The following SNX29 variants were observed in gnomAD, a reference collection of about 807,000 sequenced individuals.
The protein encoded by SNX29 is sorting nexin 29, also known as sorting nexin-29.
Under a neutral mutation model 102.1 loss-of-function variants are expected in SNX29, and 78 were observed. The ratio of observed to expected loss-of-function variants is 0.76; its 90% CI spans 0.64 to 0.92. SNX29 has a LOEUF of 0.92. Among genes scored for constraint, SNX29 ranks in the 40% least tolerant of loss-of-function variants. The pLI is 0.00. For missense variants in SNX29, 1,280 were observed against 1,061.7 expected (o/e 1.21, Z -2.86); for synonymous variants, 580 against 414.5 (o/e 1.40, Z -4.85).
intron 8 of SNX29, among the ~76,000 whole-genome samples, chr16:12,058,283 A>AT (rs2050604099): frequency 6.6e-6 from 1 of 151,996 alleles, no homozygotes; most frequent in Non-Finnish European, 1.5e-5. Flanking sequence ...TGGGTGGTTT[A>AT]TTTTTTCTCT....
chr16:12,354,339 C>T lies in SNX29; in HGVS notation c.1783-1824C>T, dbSNP rs567920300. 2.0e-3 allele frequency among the ~76,000 whole-genome samples: 301 copies of T among 152,270 alleles called. 1 individual carries two copies. The highest frequency in any genetic ancestry group is 7.0e-3 in the African/African-American group (292 of 41,560). On this transcript the variant is annotated intron_variant, in intron 15 of 20. Transcript: ENST00000566228. ...GTCTCTTAAGTTGCATGGGATTTTTCCTTTTCATTCCCTAGTGAAATGAAA... is the reference window on the plus strand; with the variant it reads ...GTCTCTTAAGTTGCATGGGATTTTTTCTTTTCATTCCCTAGTGAAATGAAA...
At chr16:12,083,586 G>A (rs1044013168) in intron 11 of SNX29, among the ~76,000 whole-genome samples, 2 of 152,128 alleles carry the variant, frequency 1.3e-5, no homozygotes, top group Non-Finnish European at 2.9e-5. Flanking sequence ...TATAAACTCC[G>A]ATTGGGAGTT....
At chr16:12,000,549 A>T (rs2056251343) in intron 2 of SNX29, 1 of 152,040 alleles carries the variant, frequency 6.6e-6, no homozygotes, top group South Asian at 2.1e-4. Context: ...TTCTAGAGAC[A>T]AGGTCTTGCT....
chr16:12,194,846 C>T (rs557169166), intron 13 of SNX29, among the ~76,000 whole-genome samples: 5 of 151,882 alleles, frequency 3.3e-5, no homozygotes, highest in South Asian at 2.1e-4. Flanking sequence ...AAGCTGGTCT[C>T]GAACTCCCGA....
chr16:12,030,745 C>G (rs2057317704), intron 4 of SNX29, among the ~76,000 whole-genome samples: 1 of 152,190 alleles, frequency 6.6e-6, no homozygotes, highest in African/African-American at 2.4e-5. Flanking sequence ...AGAATCGGGA[C>G]AAAGTATCCA....
intron 13 of SNX29, chr16:12,135,519 C>A (rs1255919324): frequency 2.3e-6 from 3 of 1,318,672 alleles, no homozygotes; most frequent in Non-Finnish European, 2.0e-6. Context: ...GAGGATGGTG[C>A]CAGCCAGTTC....
chr16:12,400,986 C>G (rs932837923), intron 17 of SNX29, among the ~76,000 whole-genome samples: 5 of 152,112 alleles, frequency 3.3e-5, no homozygotes, highest in Admixed American at 6.5e-5. Flanking sequence ...CCACACCCGG[C>G]TATGATTTTT....
rs778994657 is a variant in SNX29, at chr16:12,003,011, G to A, written c.90G>A (p.Gly30=). 1.2e-6 allele frequency: 2 copies of A among 1,614,098 alleles called. No individual in the cohort carries two copies. The highest frequency in any genetic ancestry group is 1.3e-5 in the African/African-American group (1 of 74,950). The change falls in exon 3 of 21, where the codon GGG becomes GGA. Residue 30 remains glycine (G), a synonymous_variant. Coordinates refer to ENST00000566228, the MANE Select transcript of SNX29 (RefSeq NM_032167.5). ...AVKQCQIRFG[G]RKEIASDSDS... The stretch of plus-strand genomic sequence containing the variant: ...TGCAGTGCCAGATCCGCTTTGGAGG[G>A]AGAAAGGAGATTGCCTCGGATTCCG...
chr16:12,065,319 T>A (rs75721041), intron 9 of SNX29, among the ~76,000 whole-genome samples: 32 of 152,284 alleles, frequency 2.1e-4, no homozygotes, highest in African/African-American at 7.7e-4. Context: ...GCTTTCCAGT[T>A]GCAAGGAAGG....
chr16:12,317,801 T>G (rs2080798769), intron 15 of SNX29, among the ~76,000 whole-genome samples: 1 of 152,214 alleles, frequency 6.6e-6, no homozygotes, highest in South Asian at 2.1e-4. Flanking sequence ...TCTCCAAGCC[T>G]CAGTCTCTTC....
intron 14 of SNX29, among the ~76,000 whole-genome samples, chr16:12,223,429 A>C (rs1193665312): frequency 2.0e-5 from 3 of 152,198 alleles, no homozygotes; most frequent in Non-Finnish European, 4.4e-5. Context: ...TGGGAGGCTG[A>C]GGAGGGTGGA....
intron 19 of SNX29, among the ~76,000 whole-genome samples, chr16:12,520,776 T>G (rs200690103): frequency 6.7e-6 from 1 of 150,074 alleles, no homozygotes; most frequent in South Asian, 2.1e-4. Flanking sequence ...AGAGTGATAA[T>G]AATGGACTTT....
chr16:12,414,884 G>T (rs1007238276), intron 18 of SNX29, among the ~76,000 whole-genome samples: 1 of 152,086 alleles, frequency 6.6e-6, no homozygotes, highest in African/African-American at 2.4e-5. Context: ...AGCATGCCCG[G>T]CTAATTTTTT....
At chr16:12,171,031 G>A (rs1283702650) in intron 13 of SNX29, among the ~76,000 whole-genome samples, 1 of 152,040 alleles carries the variant, frequency 6.6e-6, no homozygotes, top group Non-Finnish European at 1.5e-5. Flanking sequence ...TCACATAGCA[G>A]CTTGGAGGAG....
chr16:12,045,430 G>A (rs1567559688), intron 5 of SNX29, among the ~76,000 whole-genome samples: 2 of 152,048 alleles, frequency 1.3e-5, no homozygotes, highest in South Asian at 4.2e-4. Flanking sequence ...AGTTGGACTC[G>A]GGAGACCTGC....
In SNX29 at chr16:12,208,911, C is replaced by T. The variant is rs1418235686; in HGVS notation, c.1678+9228C>T. On this transcript the variant is annotated intron_variant, in intron 14 of 20. Transcript: ENST00000566228. ...TTCTCCATTTATGGAGATCCTTGCA[C>T]TACTAGGTTGCACCTTGGAAATGTA... Among the ~76,000 whole-genome samples, 5 of 151,474 alleles carry T rather than the reference C, an allele frequency of 3.3e-5. 1 individual carries two copies. Among genetic ancestry groups the T allele is most frequent in the African/African-American group, 1.2e-4 (5 of 41,204 alleles).
In SNX29 at chr16:12,557,286, C is replaced by A. The variant is rs150234144; in HGVS notation, c.2319-11220C>A. 3.9e-5 allele frequency: 6 copies of A among 152,310 alleles called. No homozygotes were observed. In the East Asian group the frequency reaches 9.7e-4, roughly 25 times the overall value. The allele number at this position is 152,310 out of a possible 1,614,324, so 9.4% of individuals were successfully genotyped here. A position where few individuals can be genotyped will look rare whatever the true frequency, so the allele number is the denominator to read the frequency against. ...AGTGGGGAGTGCAGGCAGAAGAGAC[C>A]TGGGACCCTGTACAATTTAGTGGCA... On this transcript the variant is annotated intron_variant, in intron 20 of 20. Transcript: ENST00000566228.
At chr16:12,196,071 G>T (rs536451794) in intron 13 of SNX29, among the ~76,000 whole-genome samples, 18 of 148,940 alleles carry the variant, frequency 1.2e-4, no homozygotes, top group Non-Finnish European at 2.4e-4. Flanking sequence ...CACCTCCCCG[G>T]CTCAAACGAT....
At chr16:12,559,749 G>C (rs2078607856) in intron 20 of SNX29, among the ~76,000 whole-genome samples, 1 of 152,082 alleles carries the variant, frequency 6.6e-6, no homozygotes, top group Non-Finnish European at 1.5e-5. Flanking sequence ...GTGATGCCCA[G>C]CCTGACAGCA....
Sources: allele counts gnomAD v4.1 joint callset (sites outside exome capture counted in the v4.1 genomes callset), GRCh38; gene constraint gnomAD v4.1.1; transcripts MANE v1.5; gene names NCBI Gene and HGNC (gene_info 2026-07-23, HGNC 2026-07-21).